The following SPTB variants were observed in gnomAD, a reference collection of about 807,000 sequenced individuals.
SPTB encodes spectrin beta chain, erythrocytic.
Under a neutral mutation model 256.2 loss-of-function variants are expected in SPTB, and 45 were observed. That is an observed-to-expected ratio of 0.18 (90% CI 0.14 to 0.23). The LOEUF (loss-of-function observed/expected upper bound fraction) is 0.23. SPTB is among the 10% of genes least tolerant of loss of function. The pLI is 1.00. For missense variants in SPTB, 2,715 were observed against 3,040.4 expected (o/e 0.89, Z 2.52); for synonymous variants, 1,231 against 1,243.1 (o/e 0.99, Z 0.21).
chr14:64,795,404 G>T lies in SPTB; in HGVS notation c.1577C>A (p.Thr526Asn). 1 of 1,614,092 alleles carries T rather than the reference G, an allele frequency of 6.2e-7. No homozygotes were observed. ...LLQSRRQRLE[T>N]TLALQKLFQD... The stretch of plus-strand genomic sequence containing the variant: ...GAAGAGCTTCTGCAGTGCCAGGGTG[G>T]TCTCGAGCCTCTGGCGCCGGGACTG... The change falls in exon 12 of 36, where the codon ACC (threonine) becomes AAC (asparagine). Residue 526 changes from threonine to asparagine, a missense_variant. By Grantham distance (65) the Thr-to-Asn change is moderately conservative. Around this residue, in one of 4 missense-constraint regions of SPTB, gnomAD observed 2,239 missense variants for 2,384.4 expected, o/e 0.94. Transcript: ENST00000644917. The surrounding 1 kb of genome is among the most constrained non-coding windows in gnomAD (Gnocchi z 6.5).
At chr14:64,869,867 C>G (rs1244507154) in intron 1 of SPTB, among the ~76,000 whole-genome samples, 4 of 150,300 alleles carry the variant, frequency 2.7e-5, no homozygotes, top group African/African-American at 9.8e-5. Flanking sequence ...TGGGCTCAAG[C>G]GATCTGCCCA....
rs761544084 is a variant in SPTB, at chr14:64,749,970, G to A, written c.6776+11C>T. ...ATCAACCCGAGCTTTCAAAGGCCAG[G>A]AAGGCCTCACCTCAGCTTAAAGACG... On this transcript the variant is annotated intron_variant, in intron 34 of 35. Transcript: ENST00000644917. This position sits in a 1 kb window ranked among gnomAD's most constrained non-coding sequence, Gnocchi z 4.7. 26 of 1,614,198 alleles carry A rather than the reference G, an allele frequency of 1.6e-5. No homozygotes were observed. The South Asian group carries it at 2.9e-4, about 18-fold the overall frequency.
intron 32 of SPTB, chr14:64,754,266 G>A (rs561033189): frequency 5.5e-5 from 14 of 254,226 alleles, no homozygotes; most frequent in Non-Finnish European, 9.4e-5. Context: ...GAACTCTTCT[G>A]GTACTTTCAA....
In SPTB at chr14:64,782,503, G is replaced by A. The variant is rs1363873197; in HGVS notation, c.4053C>T (p.Ser1351=). 6.2e-7 allele frequency: 1 copy of A among 1,613,978 alleles called. No individual in the cohort carries two copies. Among genetic ancestry groups the A allele is most frequent in the Non-Finnish European group, 8.5e-7 (1 of 1,180,048 alleles). The change falls in exon 20 of 36, where the codon TCC becomes TCT. Residue 1351 remains serine (S), a synonymous_variant. Coordinates refer to ENST00000644917, the MANE Select transcript of SPTB (RefSeq NM_001355436.2). Reference sequence around the variant, plus strand: ...GCCGGTGCAGGGCTTCCAGCTTTTGGGACACCAGGGCTGTAAACTGGGGCT... The same window carrying A: ...GCCGGTGCAGGGCTTCCAGCTTTTGAGACACCAGGGCTGTAAACTGGGGCT... ...DEKPQFTALV[S]QKLEALHRLW...
chr14:64,802,550 G>A lies in SPTB; in HGVS notation c.475-233C>T, dbSNP rs1392346622. Among the ~76,000 whole-genome samples the A allele has an allele frequency of 6.6e-6, 1 of 151,982 alleles. No individual in the cohort carries two copies. The highest frequency in any genetic ancestry group is 2.4e-5 in the African/African-American group (1 of 41,342). ...CCCTGAGCCCAGGGAAATCTGTCTT[G>A]GTCACTTGTCTGTCTCCAGGGCCTG... On this transcript the variant is annotated intron_variant, in intron 4 of 35. Coordinates refer to ENST00000644917, the MANE Select transcript of SPTB (RefSeq NM_001355436.2). The surrounding 1 kb of genome is among the most constrained non-coding windows in gnomAD (Gnocchi z 5.1).
chr14:64,773,126 C>T (rs951102269), intron 25 of SPTB, 94 bp downstream of exon 25: 6 of 1,567,472 alleles, frequency 3.8e-6, no homozygotes, highest in Middle Eastern at 1.7e-4. Flanking sequence ...GGGGAGGTTA[C>T]GTCCTATGCA....
chr14:64,795,489 G>T lies in SPTB; in HGVS notation c.1492C>A (p.Arg498Ser), dbSNP rs144624027. Reference sequence around the variant, plus strand: ...ATATTGTCCTTGCGGGCCGTGATGCGCTTCTGGTCATGGTAGTTCTCTTTC... The same window carrying T: ...ATATTGTCCTTGCGGGCCGTGATGCTCTTCTGGTCATGGTAGTTCTCTTTC... ...LEKENYHDQK[R>S]ITARKDNILR... is the part of the protein sequence containing the mutation. The change falls in exon 12 of 36, where the codon CGC becomes AGC. Residue 498 changes from arginine to serine, a missense_variant. Around this residue, in one of 4 missense-constraint regions of SPTB, gnomAD observed 2,239 missense variants for 2,384.4 expected, o/e 0.94. Transcript: ENST00000644917. This position sits in a 1 kb window ranked among gnomAD's most constrained non-coding sequence, Gnocchi z 6.5. 3 of 1,614,162 alleles carry T rather than the reference G, an allele frequency of 1.9e-6. No homozygotes were observed. The highest frequency in any genetic ancestry group is 2.2e-5 in the South Asian group (2 of 91,074).
chr14:64,752,180 C>A, intron 33 of SPTB: 1 of 1,343,186 alleles, frequency 7.4e-7, no homozygotes, highest in Non-Finnish European at 9.8e-7. Flanking sequence ...AAACTGATAA[C>A]AGGTGGGCTA....
chr14:64,836,922 G>C (rs1321418378), intron 1 of SPTB, among the ~76,000 whole-genome samples: 2 of 152,210 alleles, frequency 1.3e-5, no homozygotes, highest in Non-Finnish European at 2.9e-5. Flanking sequence ...TCTTTTGAGA[G>C]AGGAAATTTA....
In SPTB at chr14:64,767,311, C is replaced by G; in HGVS notation, c.6261G>C (p.Glu2087Asp). 6.2e-7 allele frequency: 1 copy of G among 1,614,096 alleles called. No homozygotes were observed. Among genetic ancestry groups the G allele is most frequent in the South Asian group, 1.1e-5 (1 of 91,086 alleles). ...ACACGGCCACCACTCACCCAGTCTC[C>G]TCTGCGGGTCTCTCTGCAATCTGGC... is the stretch of plus-strand genomic sequence containing the variant. ...KERQIAERPA[E>D]ETGPQEEEGE... The change falls in exon 31 of 36, where the codon GAG becomes GAC. Residue 2087 changes from glutamate to aspartate, a missense_variant. By Grantham distance (45) the Glu-to-Asp change is conservative. Transcript: ENST00000644917.
chr14:64,808,951 A>G lies in SPTB; in HGVS notation c.149-3861T>C, dbSNP rs567227418. Among the ~76,000 whole-genome samples, 12 of 152,124 alleles carry G rather than the reference A, an allele frequency of 7.9e-5. No individual in the cohort carries two copies. In the South Asian group the frequency reaches 2.5e-3, roughly 32 times the overall value. On this transcript the variant is annotated intron_variant, in intron 2 of 35. Transcript: ENST00000644917. The stretch of plus-strand genomic sequence containing the variant: ...GAGCCAGGGAGACAGAATGAGTCCA[A>G]GCAGACAGGCATAAAAGGCCAAAGC...
Position 64,749,365 on chromosome 14 carries a change from C to G in SPTB, c.6928G>C (p.Ala2310Pro). The stretch of plus-strand genomic sequence containing the variant: ...TCCTTGTCTTTCTTGCCGAGGCTGG[C>G]GTCGGGGCCGGAGAGGGAAGGCAGG... The part of the protein sequence containing the change: ...LPLPSLSGPD[A>P]SLGKKDKEKR... Residue 2310 changes from alanine (A) to proline (P), a missense_variant, in exon 36 of 36, where the codon GCC (alanine) becomes CCC (proline). Physicochemically the swap from Ala to Pro is conservative, Grantham distance 27. Around this residue, in one of 4 missense-constraint regions of SPTB, gnomAD observed 2,239 missense variants for 2,384.4 expected, o/e 0.94. Transcript: ENST00000644917. The surrounding 1 kb of genome is among the most constrained non-coding windows in gnomAD (Gnocchi z 4.7). 6.2e-7 allele frequency: 1 copy of G among 1,610,418 alleles called. No individual in the cohort carries two copies. Among genetic ancestry groups the G allele is most frequent in the African/African-American group, 1.3e-5 (1 of 75,048 alleles).
At chr14:64,783,289 C>T (rs1020103305) in intron 19 of SPTB, among the ~76,000 whole-genome samples, 1 of 152,088 alleles carries the variant, frequency 6.6e-6, no homozygotes, top group African/African-American at 2.4e-5. Context: ...CTGCAACCTC[C>T]GCCCCCCAGT....
At chr14:64,856,559 C>T (rs1005610372) in intron 1 of SPTB, among the ~76,000 whole-genome samples, 1 of 151,908 alleles carries the variant, frequency 6.6e-6, no homozygotes, top group Non-Finnish European at 1.5e-5. Flanking sequence ...TCTTCCTCAC[C>T]AAGCCTTCTT....
chr14:64,751,955 G>T (rs1372858505), intron 33 of SPTB, among the ~76,000 whole-genome samples: 3 of 109,970 alleles, frequency 2.7e-5, no homozygotes, highest in Admixed American at 8.2e-5. Context: ...TTAGCCAGGC[G>T]TGGTGGCACG....
In SPTB at chr14:64,844,167, C is replaced by T. The variant is rs573623735; in HGVS notation, c.-51-21022G>A. On this transcript the variant is annotated intron_variant, in intron 1 of 35. Transcript: ENST00000644917. The surrounding 1 kb of genome is among the most constrained non-coding windows in gnomAD (Gnocchi z 4.1). ...CGAAGAATGTGATGGCCATGATCTC[C>T]AAGAGTGCTTAGCAGGAGTCATGGA... Among the ~76,000 whole-genome samples the T allele has an allele frequency of 1.3e-5, 2 of 151,946 alleles. No individual in the cohort carries two copies. Among genetic ancestry groups the T allele is most frequent in the Non-Finnish European group, 2.9e-5 (2 of 67,990 alleles).
intron 31 of SPTB, 42 bp from the exon 32 acceptor site, chr14:64,766,843 TGAGGCCAGTGCCTCCTGC>T (rs1302397330): frequency 1.2e-6 from 2 of 1,604,232 alleles, no homozygotes; most frequent in Non-Finnish European, 1.7e-6. Flanking sequence ...AGCACCCCTC[TGAGGCCAGTGCCTCCTGC>T]GAGGCCTGGC....
At chr14:64,861,140 A>T (rs2083961513) in intron 1 of SPTB, among the ~76,000 whole-genome samples, 1 of 152,122 alleles carries the variant, frequency 6.6e-6, no homozygotes, top group Non-Finnish European at 1.5e-5. Flanking sequence ...ATAAGTAGGA[A>T]TTGAACATTG....
rs371875802 is a variant in SPTB, at chr14:64,844,687, TGAA to T, written c.-51-21545_-51-21543del. Reference sequence around the variant, plus strand: ...GCAGGGCTTTAATTGAAAAGTAACATGAAGAAGAGGCTATGACTTCCCAAAAAC... The same window carrying T: ...GCAGGGCTTTAATTGAAAAGTAACATGAAGAGGCTATGACTTCCCAAAAAC... On this transcript the variant is annotated intron_variant, in intron 1 of 35. Transcript: ENST00000644917. The surrounding 1 kb of genome is among the most constrained non-coding windows in gnomAD (Gnocchi z 4.1). Among the ~76,000 whole-genome samples, 767 of 152,332 alleles carry T rather than the reference TGAA, an allele frequency of 5.0e-3. 7 individuals carry two copies. Among genetic ancestry groups the T allele is most frequent in the African/African-American group, 0.018 (745 of 41,576 alleles).
Sources: gnomAD v4.1 joint callset for allele counts (sites outside exome capture counted in the v4.1 genomes callset) on GRCh38, gnomAD v4.1.1 for gene constraint, gnomAD v4.1.1 regional missense constraint, Gnocchi (gnomAD v3.1) non-coding constraint, MANE v1.5 for transcripts, NCBI Gene and HGNC (gene_info 2026-07-23, HGNC 2026-07-21) for gene names.